Variants in MAPK8IP3 observed in about 807,000 individuals in gnomAD.
The protein encoded by MAPK8IP3 is C-Jun-amino-terminal kinase-interacting protein 3.
MAPK8IP3 carries 49 observed loss-of-function variants against 157.8 expected under a neutral mutation model. The observed-to-expected ratio is 0.31, with a 90% CI of 0.25 to 0.39. The LOEUF is 0.39. MAPK8IP3 is among the 10% of genes least tolerant of loss of function. The pLI, the probability that MAPK8IP3 is intolerant of heterozygous loss-of-function variation, is 1.00. For synonymous variants in MAPK8IP3, 897 were observed against 777.7 expected, an observed-to-expected ratio of 1.15 and a Z score of -2.55; for missense variants, 1,478 against 1,889.4, an observed-to-expected ratio of 0.78 and a Z score of 4.04.
intron 1 of MAPK8IP3, among the ~76,000 whole-genome samples, chr16:1,717,235 CAAAAA>C: frequency 1.7e-5 from 1 of 60,450 alleles, no homozygotes; most frequent in South Asian, 5.4e-4. Flanking sequence ...AACTCCATCT[CAAAAA>C]AAAAAAAAAA....
At chr16:1,728,513 AC>A (rs1304796010) in intron 2 of MAPK8IP3, among the ~76,000 whole-genome samples, 1 of 151,446 alleles carries the variant, frequency 6.6e-6, no homozygotes, top group African/African-American at 2.4e-5. Context: ...GGGTTTCCCC[AC>A]CCCCATATTT....
Position 1,738,598 on chromosome 16 carries a change from ATC to A in MAPK8IP3, c.603-4732_603-4731del, listed in dbSNP as rs1426426733. The stretch of plus-strand genomic sequence containing the variant: ...TGTGAGTGTGACCATCCATGTGAGC[ATC>A]TGTGTGACCGTCCGTGTGAGCATCG... On this transcript the variant is annotated intron_variant, in intron 4 of 31. Coordinates refer to ENST00000610761, the MANE Select transcript of MAPK8IP3 (RefSeq NM_001318852.2). 6.7e-4 allele frequency among the ~76,000 whole-genome samples: 74 copies of A among 110,514 alleles called. 1 individual carries two copies. Among genetic ancestry groups the A allele is most frequent in the African/African-American group, 2.6e-3 (73 of 28,056 alleles). The allele number at this position is 110,514 out of a possible 152,430, so 72.5% of individuals were successfully genotyped here. A position where few individuals can be genotyped will look rare whatever the true frequency, so the allele number is the denominator to read the frequency against.
chr16:1,744,716 C>T (rs1013423134), intron 5 of MAPK8IP3: 35 of 985,408 alleles, frequency 3.6e-5, no homozygotes, highest in Admixed American at 1.2e-4. Context: ...CTGCCTCTCG[C>T]GCCCGCTCTG....
chr16:1,747,258 T>C lies in MAPK8IP3; in HGVS notation c.977T>C (p.Met326Thr), dbSNP rs2141862398. 1 of 1,613,566 alleles carries C rather than the reference T, an allele frequency of 6.2e-7. No homozygotes were observed. The highest frequency in any genetic ancestry group is 1.1e-5 in the South Asian group (1 of 91,086). ...RNMEVQVTQE[M>T]RNVSIGMGSS... ...ATGGAAGTACAGGTCACCCAGGAGATGCGCAACGTCAGTATAGGTGGGTGC... is the reference window on the plus strand; with the variant it reads ...ATGGAAGTACAGGTCACCCAGGAGACGCGCAACGTCAGTATAGGTGGGTGC... The change falls in exon 6 of 32, where the codon ATG (methionine) becomes ACG (threonine). Residue 326 changes from methionine (M) to threonine (T), a missense_variant. This residue lies in a region of MAPK8IP3 where 315 missense variants were observed against 394.4 expected (regional missense o/e 0.80). Transcript: ENST00000610761.
At position 1,741,326 on chromosome 16, in the gene MAPK8IP3, G is replaced by C. The variant is rs935804113; in HGVS notation, c.603-2006G>C. ...AGCCTGAGGCCAGGGCCTGGGGGCCGGTGGGGAGGAGCAAAGGAAAGAGTG... is the reference window on the plus strand; with the variant it reads ...AGCCTGAGGCCAGGGCCTGGGGGCCCGTGGGGAGGAGCAAAGGAAAGAGTG... On this transcript the variant is annotated intron_variant, in intron 4 of 31. Coordinates refer to ENST00000610761, the MANE Select transcript of MAPK8IP3 (RefSeq NM_001318852.2). This position sits in a 1 kb window ranked among gnomAD's most constrained non-coding sequence, Gnocchi z 6.9. Among the ~76,000 whole-genome samples the C allele has an allele frequency of 6.6e-6, 1 of 152,198 alleles. No homozygotes were observed. Among genetic ancestry groups the C allele is most frequent in the Admixed American group, 6.5e-5 (1 of 15,280 alleles).
chr16:1,739,158 GTGTGAGTGTGACCATCCA>G (rs2040398060), intron 4 of MAPK8IP3, among the ~76,000 whole-genome samples: 1 of 126,874 alleles, frequency 7.9e-6, no homozygotes. Flanking sequence ...GTGACCATCC[GTGTGAGTGTGACCATCCA>G]TGTGAGCATC....
intron 22 of MAPK8IP3, 56 bp downstream of exon 22, chr16:1,766,465 C>A: frequency 6.2e-7 from 1 of 1,602,258 alleles, no homozygotes; most frequent in Admixed American, 1.7e-5. Flanking sequence ...GTGGGAAGGG[C>A]CTCGGGGTCT....
At chr16:1,762,606 AG>A in intron 14 of MAPK8IP3, 68 bp from the exon 15 acceptor site, 1 of 1,546,436 alleles carries the variant, frequency 6.5e-7, no homozygotes. Context: ...TCCTGGCGGG[AG>A]CCAGAGAGTC....
intron 5 of MAPK8IP3, chr16:1,744,023 C>T (rs917476623): frequency 2.3e-5 from 23 of 992,194 alleles, no homozygotes; most frequent in African/African-American, 2.1e-4. Flanking sequence ...AGCAGAGCCT[C>T]GCCCCAGCAG....
chr16:1,737,470 G>T (rs1214164722), intron 4 of MAPK8IP3, among the ~76,000 whole-genome samples: 1 of 105,154 alleles, frequency 9.5e-6, no homozygotes, highest in Admixed American at 9.5e-5. Context: ...ACCCATGTGA[G>T]CATCTGTGTG....
chr16:1,715,071 A>AAT (rs946613791), intron 1 of MAPK8IP3, among the ~76,000 whole-genome samples: 46 of 152,000 alleles, frequency 3.0e-4, no homozygotes, highest in Admixed American at 2.1e-3. Flanking sequence ...ACAGATGGGA[A>AAT]ATATATATAT....
In MAPK8IP3 at chr16:1,765,014, C is replaced by G. The variant is rs766093329; in HGVS notation, c.2282C>G (p.Ala761Gly). 5 of 1,604,024 alleles carry G rather than the reference C, an allele frequency of 3.1e-6. No individual in the cohort carries two copies. In the Admixed American group the frequency reaches 8.4e-5, roughly 27 times the overall value. Residue 761 changes from alanine (A) to glycine (G), a missense_variant and splice_region_variant, in exon 20 of 32, where the codon GCC (alanine) becomes GGC (glycine). Physicochemically the swap from Ala to Gly is moderately conservative, Grantham distance 60. This residue lies in a region of MAPK8IP3 where 669 missense variants were observed against 759.8 expected (regional missense o/e 0.88). Transcript: ENST00000610761. ...SAHTSPEKKK[A>G]KELPEMDATS... The stretch of plus-strand genomic sequence containing the variant: ...CCTTGATCCCGTGCCCTGAAACAGG[C>G]CAAGGAGCTCCCTGAAATGGACGCC...
chr16:1,757,960 C>G (rs759548207), intron 8 of MAPK8IP3, among the ~76,000 whole-genome samples, 188 bp from the exon 9 acceptor site: 2 of 152,254 alleles, frequency 1.3e-5, no homozygotes, highest in Non-Finnish European at 2.9e-5. Context: ...TCCCTGCAGG[C>G]CTCTGCCTGG....
chr16:1,766,680 G>A lies in MAPK8IP3; in HGVS notation c.2939+32G>A, dbSNP rs768346247. ...AGGGCCCGGGGCAAGGTGGAGGGAGGGTCCTGGGTGAGCCCCTCGCCCATC... is the reference window on the plus strand; with the variant it reads ...AGGGCCCGGGGCAAGGTGGAGGGAGAGTCCTGGGTGAGCCCCTCGCCCATC... On this transcript the variant is annotated intron_variant, in intron 23 of 31. Transcript: ENST00000610761. The A allele has an allele frequency of 1.9e-6, 3 of 1,612,538 alleles. No individual in the cohort carries two copies. In the South Asian group the frequency reaches 3.3e-5, roughly 18 times the overall value.
chr16:1,724,416 T>C lies in MAPK8IP3; in HGVS notation c.319-141T>C. On this transcript the variant is annotated intron_variant, in intron 1 of 31. Transcript: ENST00000610761. This position sits in a 1 kb window ranked among gnomAD's most constrained non-coding sequence, Gnocchi z 4.1. ...CAGCCACGTGGCGGGAAGCCCCCAT[T>C]CCGGCCTGGCCATGGGCCAGCTTGT... The C allele has an allele frequency of 8.6e-7, 1 of 1,168,290 alleles. No homozygotes were observed. The highest frequency in any genetic ancestry group is 1.2e-6 in the Non-Finnish European group (1 of 836,480). The allele number at this position is 1,168,290 out of a possible 1,614,324, so 72.4% of individuals were successfully genotyped here. A position where few individuals can be genotyped will look rare whatever the true frequency, so the allele number is the denominator to read the frequency against.
At chr16:1,732,239 G>A (rs371613618) in intron 4 of MAPK8IP3, among the ~76,000 whole-genome samples, 2 of 152,304 alleles carry the variant, frequency 1.3e-5, no homozygotes, top group East Asian at 3.9e-4. Context: ...GCAGCTGGAA[G>A]GGGGGAAGCC....
chr16:1,761,453 G>T, intron 13 of MAPK8IP3, 148 bp downstream of exon 13: 1 of 662,600 alleles, frequency 1.5e-6, no homozygotes, highest in African/African-American at 1.8e-5. Context: ...CACAGGCAGA[G>T]CGGCCACCAT....
At chr16:1,746,730 G>T in intron 5 of MAPK8IP3, 1 of 424,640 alleles carries the variant, frequency 2.4e-6, no homozygotes, top group Non-Finnish European at 4.3e-6. Flanking sequence ...CGAGGCACTG[G>T]CCCATTACAA....
intron 8 of MAPK8IP3, chr16:1,752,519 G>A (rs1312497475): frequency 1.1e-5 from 4 of 356,112 alleles, no homozygotes; most frequent in South Asian, 2.0e-5. Context: ...AGGGCAGGAG[G>A]ATCACCTGCG....
Sources: allele counts gnomAD v4.1 joint callset (sites outside exome capture counted in the v4.1 genomes callset), GRCh38; gene constraint gnomAD v4.1.1; regional missense constraint gnomAD v4.1.1; non-coding constraint Gnocchi (gnomAD v3.1); transcripts MANE v1.5; gene names NCBI Gene and HGNC (gene_info 2026-07-23, HGNC 2026-07-21).